Variants in CNTNAP2 observed in about 807,000 individuals in gnomAD.
CNTNAP2 encodes contactin-associated protein-like 2.
A neutral mutation model predicts 155.2 loss-of-function variants in CNTNAP2; 98 were observed. That is an observed-to-expected ratio of 0.63 (90% confidence interval 0.54 to 0.75). The LOEUF (loss-of-function observed/expected upper bound fraction) is 0.75, where lower values mean the gene tolerates loss of function less well. Ranked by LOEUF, CNTNAP2 falls within the 30% of genes least tolerant of loss-of-function variation. CNTNAP2 has a pLI of 0.00. For missense variants in CNTNAP2, 1,727 were observed against 1,688.1 expected (o/e 1.02, Z -0.40); for synonymous variants, 651 against 631.2 (o/e 1.03, Z -0.47).
chr7:146,751,606 T>A (rs1801904499), intron 1 of CNTNAP2, among the ~76,000 whole-genome samples: 1 of 151,938 alleles, frequency 6.6e-6, no homozygotes, highest in Admixed American at 6.6e-5. Context: ...CTAATTCCTC[T>A]TTTTTTTATT....
At position 147,231,219 on chromosome 7, in the gene CNTNAP2, C is replaced by T. The variant is rs528679250; in HGVS notation, c.1349-68922C>T. On this transcript the variant is annotated intron_variant, in intron 8 of 23. Transcript: ENST00000361727. The stretch of plus-strand genomic sequence containing the variant: ...GGGGACACAGAGCCAAACCATATCA[C>T]CTAATGTCCTCCAGTTTCATCCATG... Among the ~76,000 whole-genome samples the T allele has an allele frequency of 4.9e-4, 74 of 152,320 alleles. 2 individuals are homozygous for T. In the South Asian group the frequency reaches 0.015, roughly 32 times the overall value.
intron 2 of CNTNAP2, among the ~76,000 whole-genome samples, chr7:146,814,774 A>G (rs995258076): frequency 2.0e-5 from 3 of 152,162 alleles, no homozygotes; most frequent in African/African-American, 7.2e-5. Context: ...AAAGAAATAC[A>G]AATACAGTGT....
At chr7:148,051,385 T>C (rs1193937659) in intron 15 of CNTNAP2, among the ~76,000 whole-genome samples, 1 of 151,968 alleles carries the variant, frequency 6.6e-6, no homozygotes, top group African/African-American at 2.4e-5. Flanking sequence ...CCGGAAGTTA[T>C]GCAATATGTT....
At chr7:148,263,605 CG>C (rs1320742864) in intron 20 of CNTNAP2, among the ~76,000 whole-genome samples, 12 of 151,778 alleles carry the variant, frequency 7.9e-5, no homozygotes, top group Non-Finnish European at 5.9e-5. Flanking sequence ...GGCGTGGTGG[CG>C]GGCGCCTGGA....
At chr7:146,772,382 G>C (rs1314227989) in intron 1 of CNTNAP2, among the ~76,000 whole-genome samples, 2 of 151,838 alleles carry the variant, frequency 1.3e-5, no homozygotes, top group Non-Finnish European at 2.9e-5. Context: ...GGAGGGGCCA[G>C]GTGCGGTGGC....
chr7:148,101,322 A>ACATGGTGCTT (rs1804094593), intron 15 of CNTNAP2, among the ~76,000 whole-genome samples: 2 of 150,586 alleles, frequency 1.3e-5, no homozygotes, highest in African/African-American at 4.9e-5. Flanking sequence ...AATCACTCAC[A>ACATGGTGCTT]CCATGGAAGC....
chr7:148,148,334 A>G (rs1805234452), intron 17 of CNTNAP2, among the ~76,000 whole-genome samples: 1 of 152,240 alleles, frequency 6.6e-6, no homozygotes, highest in Non-Finnish European at 1.5e-5. Flanking sequence ...TCTGCTACTG[A>G]CATATTTCAG....
chr7:147,832,505 A>C (rs1400014500), intron 13 of CNTNAP2, among the ~76,000 whole-genome samples: 1 of 146,134 alleles, frequency 6.8e-6, no homozygotes, highest in East Asian at 2.0e-4. Flanking sequence ...ATTTTATTTT[A>C]AGTATATTTA....
chr7:147,400,287 G>A (rs1796891152), intron 10 of CNTNAP2, among the ~76,000 whole-genome samples: 1 of 152,138 alleles, frequency 6.6e-6, no homozygotes. Flanking sequence ...GGAGAGTCAG[G>A]GAGGGTATTA....
chr7:146,242,492 T>C (rs922977515), intron 1 of CNTNAP2, among the ~76,000 whole-genome samples: 2 of 151,636 alleles, frequency 1.3e-5, no homozygotes, highest in East Asian at 1.9e-4. Context: ...TGAGCCGAGA[T>C]TGTGCCACTG....
chr7:146,697,488 C>T lies in CNTNAP2; in HGVS notation c.98-76783C>T, dbSNP rs147911293. 2.5e-3 allele frequency among the ~76,000 whole-genome samples: 375 copies of T among 152,314 alleles called. 2 individuals carry two copies. The highest frequency in any genetic ancestry group is 6.7e-3 in the African/African-American group (280 of 41,576). On this transcript the variant is annotated intron_variant, in intron 1 of 23. Transcript: ENST00000361727. ...TCTTGACCTCAAGTGATCTTCCCTT[C>T]TCAGCCTCCCAAAGTGCGGGGATCA...
At chr7:147,558,169 A>G (rs1187838196) in intron 11 of CNTNAP2, among the ~76,000 whole-genome samples, 2 of 152,224 alleles carry the variant, frequency 1.3e-5, no homozygotes, top group Non-Finnish European at 2.9e-5. Flanking sequence ...CTGCTGAAAA[A>G]TAACACCTCT....
chr7:146,391,098 T>C (rs1307367037), intron 1 of CNTNAP2, among the ~76,000 whole-genome samples: 2 of 147,502 alleles, frequency 1.4e-5, no homozygotes, highest in African/African-American at 4.9e-5. Context: ...ATCGTAAATA[T>C]ATATTATATT....
intron 13 of CNTNAP2, among the ~76,000 whole-genome samples, chr7:147,828,187 C>T (rs1256829790): frequency 1.3e-5 from 2 of 152,136 alleles, no homozygotes; most frequent in East Asian, 1.9e-4. Flanking sequence ...CATTCTAGAG[C>T]TTTGTTCACT....
At chr7:147,876,863 T>A (rs1799428782) in intron 13 of CNTNAP2, among the ~76,000 whole-genome samples, 1 of 149,412 alleles carries the variant, frequency 6.7e-6, no homozygotes, top group Non-Finnish European at 1.5e-5. Context: ...TAGAGGGGGG[T>A]GTGCACTGTG....
intron 3 of CNTNAP2, among the ~76,000 whole-genome samples, chr7:146,988,853 C>G (rs1563033809): frequency 6.6e-6 from 1 of 152,146 alleles, no homozygotes; most frequent in African/African-American, 2.4e-5. Context: ...GAGCTCTGCT[C>G]CATGTGGATA....
chr7:147,541,920 A>C (rs1485466576), intron 11 of CNTNAP2, among the ~76,000 whole-genome samples: 1 of 152,186 alleles, frequency 6.6e-6, no homozygotes, highest in African/African-American at 2.4e-5. Flanking sequence ...CAGGATATAC[A>C]GTTTTGGCCC....
At chr7:146,849,297 A>T (rs140412113) in intron 3 of CNTNAP2, among the ~76,000 whole-genome samples, 246 of 152,274 alleles carry the variant, frequency 1.6e-3, no homozygotes, top group African/African-American at 5.4e-3. Flanking sequence ...GAAGTATCTC[A>T]TTCTGTAGAT....
At chr7:146,701,505 T>A (rs1410013321) in intron 1 of CNTNAP2, among the ~76,000 whole-genome samples, 1 of 152,206 alleles carries the variant, frequency 6.6e-6, no homozygotes, top group African/African-American at 2.4e-5. Context: ...AAATATATAT[T>A]CTTCCAGTCT....
Sources: allele counts gnomAD v4.1 joint callset (sites outside exome capture counted in the v4.1 genomes callset), GRCh38; gene constraint gnomAD v4.1.1; transcripts MANE v1.5; gene names NCBI Gene and HGNC (gene_info 2026-07-23, HGNC 2026-07-21).